The following GNG7 variants were observed in gnomAD, a reference collection of about 807,000 sequenced individuals.
GNG7 encodes G protein subunit gamma 7, also known as guanine nucleotide-binding protein G(I)/G(S)/G(O) subunit gamma-7.
GNG7 carries 1 observed loss-of-function variant against 4.0 expected under a neutral mutation model. That is an observed-to-expected ratio of 0.25 (90% CI 0.09 to 1.18). The LOEUF is 1.18. GNG7 is among the 50% of genes most tolerant of loss of function. The pLI, the probability that GNG7 is intolerant of heterozygous loss-of-function variation, is 0.50. For synonymous variants in GNG7, 34 were observed against 36.9 expected (o/e 0.92, Z 0.29); for missense variants, 86 against 91.9 (o/e 0.94, Z 0.26).
intron 2 of GNG7, among the ~76,000 whole-genome samples, chr19:2,563,098 C>G (rs557999199): frequency 6.6e-6 from 1 of 152,090 alleles, no homozygotes; most frequent in African/African-American, 2.4e-5. Context: ...GCGCCCACCA[C>G]CACGCCCAGC....
chr19:2,700,449 G>C (rs59185776), intron 1 of GNG7, among the ~76,000 whole-genome samples: 1 of 152,044 alleles, frequency 6.6e-6, no homozygotes, highest in Non-Finnish European at 1.5e-5. Flanking sequence ...AGCCATGCAG[G>C]TTATTTTTTA....
At chr19:2,620,678 C>T (rs535374376) in intron 2 of GNG7, among the ~76,000 whole-genome samples, 1 of 152,218 alleles carries the variant, frequency 6.6e-6, no homozygotes, top group East Asian at 1.9e-4. Context: ...CCCCAGCCAA[C>T]GTGGGTCGGC....
At chr19:2,583,848 C>A (rs981950073) in intron 2 of GNG7, among the ~76,000 whole-genome samples, 2 of 151,914 alleles carry the variant, frequency 1.3e-5, no homozygotes, top group African/African-American at 4.8e-5. Context: ...AAGGATGTCG[C>A]AAATCCATAT....
chr19:2,593,133 A>C (rs1250828550), intron 2 of GNG7, among the ~76,000 whole-genome samples: 1 of 152,210 alleles, frequency 6.6e-6, no homozygotes, highest in East Asian at 1.9e-4. Flanking sequence ...CAAAAAAGTA[A>C]GAAAATCCAG....
intron 2 of GNG7, among the ~76,000 whole-genome samples, chr19:2,566,797 A>C (rs1340273588): frequency 2.0e-5 from 3 of 151,960 alleles, no homozygotes; most frequent in Non-Finnish European, 4.4e-5. Context: ...TGCCAATAAA[A>C]CTTTATTTAC....
intron 3 of GNG7, among the ~76,000 whole-genome samples, chr19:2,529,946 G>A (rs925086837): frequency 1.3e-5 from 2 of 152,208 alleles, no homozygotes; most frequent in African/African-American, 4.8e-5. Flanking sequence ...GGCTGAGGAT[G>A]GGTCCCCATT....
chr19:2,643,150 G>C (rs1264924441), intron 2 of GNG7: 5 of 451,574 alleles, frequency 1.1e-5, no homozygotes, highest in Non-Finnish European at 2.2e-5. Context: ...TTCCCACCCT[G>C]CACCATGTGC....
intron 2 of GNG7, among the ~76,000 whole-genome samples, chr19:2,568,081 A>G (rs927704752): frequency 2.7e-5 from 4 of 150,782 alleles, no homozygotes; most frequent in South Asian, 2.1e-4. Context: ...ACACATATAC[A>G]CATGCACACA....
At chr19:2,541,473 G>A (rs1406851442) in intron 3 of GNG7, among the ~76,000 whole-genome samples, 6 of 151,942 alleles carry the variant, frequency 3.9e-5, no homozygotes, top group Non-Finnish European at 8.8e-5. Flanking sequence ...AGTGGCTCAC[G>A]CCTGTAATCC....
intron 2 of GNG7, among the ~76,000 whole-genome samples, chr19:2,584,063 G>GA (rs1599404875): frequency 6.6e-6 from 1 of 151,948 alleles, no homozygotes; most frequent in African/African-American, 2.4e-5. Context: ...GACTGAGGCA[G>GA]AAAAAAATAT....
At chr19:2,673,114 G>A (rs1204940926) in intron 1 of GNG7, among the ~76,000 whole-genome samples, 1 of 151,818 alleles carries the variant, frequency 6.6e-6, no homozygotes, top group Non-Finnish European at 1.5e-5. Flanking sequence ...AAAATTAGCT[G>A]GGCGTGGCAG....
In GNG7 at chr19:2,513,351, C is replaced by T; in HGVS notation, c.*1671G>A. ...TTTTATTCTACTACTTGCTTCTAGG[C>T]CAGCCCCGTGGAGGGGGTCGGGGCG... On this transcript the variant is annotated 3_prime_UTR_variant, in exon 5 of 5. Coordinates refer to ENST00000382159, the MANE Select transcript of GNG7 (RefSeq NM_052847.3). 2.6e-6 allele frequency: 1 copy of T among 379,894 alleles called. No individual in the cohort carries two copies. Among genetic ancestry groups the T allele is most frequent in the Non-Finnish European group, 3.6e-6 (1 of 276,446 alleles). 23.5% of individuals were successfully genotyped at this position (379,894 alleles called of 1,614,324 possible). A position where few individuals can be genotyped will look rare whatever the true frequency, so the allele number is the denominator to read the frequency against.
chr19:2,512,505 C>T lies in GNG7; in HGVS notation c.*2517G>A. ...GCCCTGTGGACAGTGAAGGAGAGGC[C>T]AGCCTGTCCTTCCCCTCCCCGAGCC... On this transcript the variant is annotated 3_prime_UTR_variant, in exon 5 of 5. Transcript: ENST00000382159. This position sits in a 1 kb window ranked among gnomAD's most constrained non-coding sequence, Gnocchi z 4.7. 3.0e-6 allele frequency: 1 copy of T among 330,156 alleles called. No individual in the cohort carries two copies. Among genetic ancestry groups the T allele is most frequent in the Non-Finnish European group, 4.3e-6 (1 of 230,958 alleles). 20.5% of individuals were successfully genotyped at this position (330,156 alleles called of 1,614,324 possible).
At chr19:2,596,274 G>T (rs1475779105) in intron 2 of GNG7, among the ~76,000 whole-genome samples, 1 of 152,098 alleles carries the variant, frequency 6.6e-6, no homozygotes, top group Non-Finnish European at 1.5e-5. Flanking sequence ...CAGGAGAATC[G>T]CTTGAACCCA....
chr19:2,605,241 A>G (rs7250956), intron 2 of GNG7, among the ~76,000 whole-genome samples: 24,226 of 152,036 alleles, frequency 0.16, 3,496 homozygotes, highest in African/African-American at 0.38. Flanking sequence ...TCTGTTGCCC[A>G]GGTTGGAGTG....
chr19:2,650,248 C>T (rs563442862), intron 1 of GNG7, among the ~76,000 whole-genome samples: 5 of 145,354 alleles, frequency 3.4e-5, no homozygotes, highest in East Asian at 2.0e-4. Context: ...CAGTGGGGCA[C>T]GATCTCGGCT....
intron 1 of GNG7, among the ~76,000 whole-genome samples, chr19:2,694,263 C>G (rs1035075320): frequency 6.6e-6 from 1 of 151,138 alleles, no homozygotes; most frequent in African/African-American, 2.4e-5. Context: ...TAGCACTTAA[C>G]TAGTTCAACC....
chr19:2,520,844 TG>T (rs1384858085), intron 3 of GNG7, 119 bp from the exon 4 acceptor site: 4 of 594,822 alleles, frequency 6.7e-6, no homozygotes, highest in African/African-American at 1.9e-5. Context: ...TGCCTCTGGG[TG>T]GGGACCAGGG....
chr19:2,654,596 T>C (rs1271987815), intron 1 of GNG7, among the ~76,000 whole-genome samples: 1 of 151,936 alleles, frequency 6.6e-6, no homozygotes, highest in Non-Finnish European at 1.5e-5. Context: ...CTTGCTGAGG[T>C]CCCAGGAGGC....
Sources: allele counts gnomAD v4.1 joint callset (sites outside exome capture counted in the v4.1 genomes callset), GRCh38; gene constraint gnomAD v4.1.1; non-coding constraint Gnocchi (gnomAD v3.1); transcripts MANE v1.5; gene names NCBI Gene and HGNC (gene_info 2026-07-23, HGNC 2026-07-21).